The following TMEM132C variants were observed in gnomAD, a reference collection of about 807,000 sequenced individuals.
The protein encoded by TMEM132C is protein phosphatase 1, regulatory subunit 152.
Under a neutral mutation model 61.4 loss-of-function variants are expected in TMEM132C, and 29 were observed. That is an observed-to-expected ratio of 0.47 (90% confidence interval 0.35 to 0.64). TMEM132C has a LOEUF of 0.64. Among genes scored for constraint, TMEM132C ranks in the 30% least tolerant of loss-of-function variants. TMEM132C has a pLI of 0.00. For missense variants in TMEM132C, 1,408 were observed against 1,476.9 expected (o/e 0.95, Z 0.76); for synonymous variants, 656 against 633.1 (o/e 1.04, Z -0.54).
chr12:128,582,699 C>G (rs1013316462), intron 3 of TMEM132C, among the ~76,000 whole-genome samples: 17 of 152,132 alleles, frequency 1.1e-4, no homozygotes, highest in African/African-American at 3.6e-4. Flanking sequence ...CCTTTTGACT[C>G]CCATCATGAT....
At chr12:128,291,529 A>G (rs1871247060) in intron 1 of TMEM132C, among the ~76,000 whole-genome samples, 2 of 152,188 alleles carry the variant, frequency 1.3e-5, no homozygotes, top group East Asian at 3.9e-4. Context: ...GAAATAGGTG[A>G]AAGGGGGAGG....
intron 5 of TMEM132C, among the ~76,000 whole-genome samples, chr12:128,670,371 A>G (rs76824633): frequency 0.012 from 1,798 of 152,268 alleles, 25 homozygotes; most frequent in African/African-American, 0.041. Context: ...AAATTGCTTG[A>G]ACATATTCCT....
intron 1 of TMEM132C, among the ~76,000 whole-genome samples, chr12:128,352,621 T>G (rs34123431): frequency 0.092 from 14,045 of 152,216 alleles, 1,808 homozygotes; most frequent in African/African-American, 0.29. Context: ...TCCCCATAAT[T>G]ACTCAGATGA....
chr12:128,541,261 C>G (rs1873740919), intron 2 of TMEM132C, among the ~76,000 whole-genome samples: 1 of 152,172 alleles, frequency 6.6e-6, no homozygotes, highest in Non-Finnish European at 1.5e-5. Flanking sequence ...GGGATACCAC[C>G]TTCCAGGGAC....
At chr12:128,609,200 A>ACCTCCCTGCAACACTGTAATCCCCG (rs1876537765) in intron 3 of TMEM132C, among the ~76,000 whole-genome samples, 1 of 23,956 alleles carries the variant, frequency 4.2e-5, no homozygotes, top group Non-Finnish European at 7.1e-5. Flanking sequence ...TGTAACCCCC[A>ACCTCCCTGCAACACTGTAATCCCCG]CCTCCCTGCA....
chr12:128,472,782 G>A (rs964751365), intron 2 of TMEM132C, among the ~76,000 whole-genome samples: 1 of 152,144 alleles, frequency 6.6e-6, no homozygotes, highest in Non-Finnish European at 1.5e-5. Flanking sequence ...CTTTGCCTGG[G>A]AACAGTGTTT....
At chr12:128,274,186 C>CAATG (rs756678282) in intron 1 of TMEM132C, among the ~76,000 whole-genome samples, 1 of 152,176 alleles carries the variant, frequency 6.6e-6, no homozygotes, top group Non-Finnish European at 1.5e-5. Flanking sequence ...TTGTCTTCCA[C>CAATG]AATGTGTACG....
At chr12:128,302,440 A>G (rs1271204513) in intron 1 of TMEM132C, among the ~76,000 whole-genome samples, 1 of 152,216 alleles carries the variant, frequency 6.6e-6, no homozygotes, top group Non-Finnish European at 1.5e-5. Context: ...TCCTCTGATT[A>G]GCTTTTCATT....
At chr12:128,677,045 A>G (rs1046183333) in intron 5 of TMEM132C, among the ~76,000 whole-genome samples, 27 of 152,268 alleles carry the variant, frequency 1.8e-4, no homozygotes, top group Admixed American at 1.3e-4. Flanking sequence ...CCCCAGGAAC[A>G]ATAATAGGAA....
chr12:128,613,642 C>T (rs576943974), intron 3 of TMEM132C, among the ~76,000 whole-genome samples: 1 of 152,290 alleles, frequency 6.6e-6, no homozygotes, highest in South Asian at 2.1e-4. Context: ...AATCATGATT[C>T]TGTGGGCCCT....
At position 128,457,409 on chromosome 12, in the gene TMEM132C, T is replaced by TA. The variant is rs954697738; in HGVS notation, c.974+41797dup. Among the ~76,000 whole-genome samples the TA allele has an allele frequency of 8.7e-5, 13 of 150,136 alleles. No homozygotes were observed. In the East Asian group the frequency reaches 1.6e-3, roughly 18 times the overall value. On this transcript the variant is annotated intron_variant, in intron 2 of 8. Coordinates refer to ENST00000435159, the MANE Select transcript of TMEM132C (RefSeq NM_001136103.3). The stretch of plus-strand genomic sequence containing the variant: ...TAACACGGTGAAACCCCTTCTCTAC[T>TA]AAAAAAAATACAAAAAATTAGCCAG...
intron 4 of TMEM132C, among the ~76,000 whole-genome samples, chr12:128,654,967 C>CG (rs1954309695): frequency 6.6e-6 from 1 of 152,152 alleles, no homozygotes; most frequent in Non-Finnish European, 1.5e-5. Context: ...CCTGCCACCT[C>CG]GGGGTCTCCC....
chr12:128,554,779 T>G (rs1874279365), intron 3 of TMEM132C, among the ~76,000 whole-genome samples: 1 of 152,160 alleles, frequency 6.6e-6, no homozygotes, highest in Non-Finnish European at 1.5e-5. Context: ...GCTCCTGTAT[T>G]TCCAGCAGAT....
chr12:128,659,067 G>GA (rs1954358321), intron 4 of TMEM132C, among the ~76,000 whole-genome samples: 2 of 152,192 alleles, frequency 1.3e-5, no homozygotes, highest in Admixed American at 1.3e-4. Flanking sequence ...CTTCCTGTTG[G>GA]AAAAATGATC....
At chr12:128,550,833 C>T (rs1874149614) in intron 3 of TMEM132C, among the ~76,000 whole-genome samples, 1 of 152,194 alleles carries the variant, frequency 6.6e-6, no homozygotes, top group South Asian at 2.1e-4. Context: ...CTGCCCCTCA[C>T]TTTTGTGCAC....
At chr12:128,622,342 T>A (rs1953970062) in intron 4 of TMEM132C, among the ~76,000 whole-genome samples, 1 of 7,108 alleles carries the variant, frequency 1.4e-4, no homozygotes, top group Non-Finnish European at 3.6e-4. Context: ...AGACTTTGTC[T>A]CAAAAAAAAA....
chr12:128,294,101 GA>G (rs1434454749), intron 1 of TMEM132C: 5 of 154,720 alleles, frequency 3.2e-5, no homozygotes. Flanking sequence ...GGGGACTGGG[GA>G]TGAGGAGGCA....
intron 1 of TMEM132C, among the ~76,000 whole-genome samples, chr12:128,380,561 A>G (rs1334677348): frequency 2.0e-5 from 3 of 152,250 alleles, no homozygotes; most frequent in Non-Finnish European, 2.9e-5. Flanking sequence ...CACGGTAGGT[A>G]TCTTCTATAA....
chr12:128,372,606 A>C (rs1405669445), intron 1 of TMEM132C, among the ~76,000 whole-genome samples: 1 of 152,194 alleles, frequency 6.6e-6, no homozygotes, highest in Admixed American at 6.5e-5. Flanking sequence ...TATCCTGTCT[A>C]GTTCCAAAAA....
Sources: allele counts gnomAD v4.1 joint callset (sites outside exome capture counted in the v4.1 genomes callset), GRCh38; gene constraint gnomAD v4.1.1; transcripts MANE v1.5; gene names NCBI Gene and HGNC (gene_info 2026-07-23, HGNC 2026-07-21).